Variants in RELN observed in about 807,000 individuals in gnomAD.
RELN encodes reelin.
A neutral mutation model predicts 427.6 loss-of-function variants in RELN; 108 were observed. The ratio of observed to expected loss-of-function variants is 0.25; its 90% CI spans 0.22 to 0.30. The LOEUF (loss-of-function observed/expected upper bound fraction) is 0.30. Ranked by LOEUF, RELN falls within the 10% of genes least tolerant of loss-of-function variation. The pLI is 1.00. For missense variants in RELN, 3,715 were observed against 4,302.8 expected (o/e 0.86, Z 3.82); for synonymous variants, 1,524 against 1,513.4 (o/e 1.01, Z -0.16).
chr7:103,489,215 T>TGTGTGTGCGCGCGCACGCGC (rs1554362030), intron 60 of RELN, among the ~76,000 whole-genome samples: 26 of 151,564 alleles, frequency 1.7e-4, no homozygotes, highest in African/African-American at 6.3e-4. Context: ...TGTGTGTGTG[T>TGTGTGTGCGCGCGCACGCGC]GTGTGTGTGT....
In RELN at chr7:103,772,885, C is replaced by T. The variant is rs559273136; in HGVS notation, c.544+3672G>A. Reference sequence around the variant, plus strand: ...TCACTCTGAAGACAAACTATTGCTTCCAATTGAGATTGTGAAGGGTTTTAA... The same window carrying T: ...TCACTCTGAAGACAAACTATTGCTTTCAATTGAGATTGTGAAGGGTTTTAA... On this transcript the variant is annotated intron_variant, in intron 4 of 64. Transcript: ENST00000428762. 1.1e-4 allele frequency among the ~76,000 whole-genome samples: 16 copies of T among 152,218 alleles called. No individual in the cohort carries two copies. In the South Asian group the frequency reaches 3.3e-3, roughly 32 times the overall value.
intron 6 of RELN, among the ~76,000 whole-genome samples, chr7:103,742,620 C>T (rs1790695846): frequency 1.3e-5 from 2 of 152,152 alleles, no homozygotes; most frequent in African/African-American, 2.4e-5. Context: ...ATGACGAATG[C>T]AGAAGCCTCA....
At chr7:103,831,790 A>G (rs765483492) in intron 3 of RELN, among the ~76,000 whole-genome samples, 1 of 152,154 alleles carries the variant, frequency 6.6e-6, no homozygotes, top group African/African-American at 2.4e-5. Flanking sequence ...AACCTATATC[A>G]AAGGTTTGGT....
At chr7:103,803,721 G>A (rs1166321845) in intron 3 of RELN, among the ~76,000 whole-genome samples, 1 of 151,992 alleles carries the variant, frequency 6.6e-6, no homozygotes, top group East Asian at 1.9e-4. Flanking sequence ...AAATTATAAT[G>A]GGTAAAGATC....
chr7:103,561,772 T>C (rs1584296973), intron 35 of RELN, 41 bp downstream of exon 35: 3 of 1,613,918 alleles, frequency 1.9e-6, no homozygotes, highest in African/African-American at 1.3e-5. Context: ...ATATTTATTT[T>C]TGCGTTACAA....
chr7:103,639,540 C>T (rs560201351), intron 17 of RELN, among the ~76,000 whole-genome samples: 1 of 151,942 alleles, frequency 6.6e-6, no homozygotes, highest in South Asian at 2.1e-4. Context: ...GCTGGGATTA[C>T]AGATGCACGC....
At position 103,988,245 on chromosome 7, in the gene RELN, T is replaced by C. The variant is rs1229207534; in HGVS notation, c.226+886A>G. On this transcript the variant is annotated intron_variant, in intron 1 of 64. Transcript: ENST00000428762. The surrounding 1 kb of genome is among the most constrained non-coding windows in gnomAD (Gnocchi z 4.9). ...AAGAGACATTTTTTATTTTTCCACATACTCGATGTACTAGCTTAAAATACA... is the reference window on the plus strand; with the variant it reads ...AAGAGACATTTTTTATTTTTCCACACACTCGATGTACTAGCTTAAAATACA... Among the ~76,000 whole-genome samples the C allele has an allele frequency of 1.3e-5, 2 of 152,228 alleles. No homozygotes were observed. The highest frequency in any genetic ancestry group is 2.9e-5 in the Non-Finnish European group (2 of 68,038).
intron 11 of RELN, among the ~76,000 whole-genome samples, chr7:103,678,663 G>A (rs1193760730): frequency 1.3e-5 from 2 of 152,206 alleles, no homozygotes; most frequent in Admixed American, 6.5e-5. Context: ...TTTTGGAAAC[G>A]TTATTAGAGA....
At chr7:103,903,181 C>T (rs1319590443) in intron 2 of RELN, among the ~76,000 whole-genome samples, 3 of 151,972 alleles carry the variant, frequency 2.0e-5, no homozygotes, top group Non-Finnish European at 2.9e-5. Flanking sequence ...AATCCTGTCT[C>T]CTGTTAAAAT....
At position 103,938,736 on chromosome 7, in the gene RELN, G is replaced by A. The variant is rs114494367; in HGVS notation, c.227-21551C>T. Among the ~76,000 whole-genome samples the A allele has an allele frequency of 3.8e-3, 585 of 152,270 alleles. 1 individual carries two copies. The highest frequency in any genetic ancestry group is 0.013 in the African/African-American group (558 of 41,554). On this transcript the variant is annotated intron_variant, in intron 1 of 64. Coordinates refer to ENST00000428762, the MANE Select transcript of RELN (RefSeq NM_005045.4). Reference sequence around the variant, plus strand: ...CACCACATTAGGACCTCAGTCATCTGTGAGGAAACAATGTGTCAATTAGAT... The same window carrying A: ...CACCACATTAGGACCTCAGTCATCTATGAGGAAACAATGTGTCAATTAGAT...
intron 48 of RELN, 43 bp from the exon 49 acceptor site, chr7:103,519,559 C>T (rs750096841): frequency 4.0e-5 from 57 of 1,408,044 alleles, no homozygotes; most frequent in East Asian, 6.9e-5. Context: ...TAAGGAATCT[C>T]GATTGCAGAT....
intron 2 of RELN, among the ~76,000 whole-genome samples, chr7:103,857,115 G>A (rs1793966044): frequency 6.6e-6 from 1 of 151,998 alleles, no homozygotes; most frequent in African/African-American, 2.4e-5. Context: ...TGCAACATAT[G>A]TTATTGTCTG....
At position 103,905,231 on chromosome 7, in the gene RELN, C is replaced by A. The variant is rs1314400088; in HGVS notation, c.337+11844G>T. Among the ~76,000 whole-genome samples the A allele has an allele frequency of 4.0e-5, 6 of 151,884 alleles. No homozygotes were observed. In the South Asian group the frequency reaches 1.0e-3, roughly 26 times the overall value. The stretch of plus-strand genomic sequence containing the variant: ...CCTGACGAGTGTTCCACCCACCTCA[C>A]CCTCCCAAAGTGCTGGGATTACAGG... On this transcript the variant is annotated intron_variant, in intron 2 of 64. Coordinates refer to ENST00000428762, the MANE Select transcript of RELN (RefSeq NM_005045.4).
chr7:103,977,438 C>T (rs1409219300), intron 1 of RELN, among the ~76,000 whole-genome samples: 1 of 151,646 alleles, frequency 6.6e-6, no homozygotes, highest in East Asian at 1.9e-4. Context: ...GTGCAACTTT[C>T]AGAAGAGAAG....
At chr7:103,677,765 C>CAAAAAAAAA (rs60678229) in intron 11 of RELN, among the ~76,000 whole-genome samples, 1 of 56,032 alleles carries the variant, frequency 1.8e-5, no homozygotes, top group Non-Finnish European at 3.2e-5. Flanking sequence ...GAATCTGTCT[C>CAAAAAAAAA]AAAAAAAAAA....
chr7:103,854,941 T>C (rs1793908425), intron 2 of RELN, among the ~76,000 whole-genome samples: 1 of 152,164 alleles, frequency 6.6e-6, no homozygotes, highest in Non-Finnish European at 1.5e-5. Context: ...ATAAAAGAAG[T>C]ATGAATTATT....
intron 10 of RELN, among the ~76,000 whole-genome samples, chr7:103,693,731 T>C (rs1016553877): frequency 6.6e-6 from 1 of 152,114 alleles, no homozygotes; most frequent in African/African-American, 2.4e-5. Flanking sequence ...TAATTTGTGT[T>C]AAGGAATGAT....
At chr7:103,745,011 C>A (rs1223681674) in intron 6 of RELN, among the ~76,000 whole-genome samples, 2 of 152,178 alleles carry the variant, frequency 1.3e-5, no homozygotes, top group African/African-American at 2.4e-5. Flanking sequence ...ATGCAAAAAT[C>A]CTCAGTAAAA....
chr7:103,671,480 T>A (rs773856778), intron 11 of RELN, among the ~76,000 whole-genome samples: 6 of 152,114 alleles, frequency 3.9e-5, no homozygotes, highest in Non-Finnish European at 8.8e-5. Flanking sequence ...AGACTAGAGA[T>A]TGTTTAGAGA....
Sources: allele counts gnomAD v4.1 joint callset (sites outside exome capture counted in the v4.1 genomes callset), GRCh38; gene constraint gnomAD v4.1.1; non-coding constraint Gnocchi (gnomAD v3.1); transcripts MANE v1.5; gene names NCBI Gene and HGNC (gene_info 2026-07-23, HGNC 2026-07-21).